LSM12: variants seen among roughly 807,000 people sequenced by gnomAD.
LSM12 encodes the protein protein LSM12.
For missense variants in LSM12, 108 were observed against 238.9 expected (o/e 0.45, Z 3.61); for synonymous variants, 74 against 87.3 (o/e 0.85, Z 0.85).
At chr17:44,064,728 G>A (rs1350786331) in intron 1 of LSM12, among the ~76,000 whole-genome samples, 15 of 137,044 alleles carry the variant, frequency 1.1e-4, no homozygotes, top group Non-Finnish European at 1.9e-4. Flanking sequence ...GCGAGACTCC[G>A]TCTCAAAAAA....
intron 2 of LSM12, chr17:44,040,473 A>G (rs2049473683): frequency 2.1e-6 from 1 of 468,408 alleles, no homozygotes; most frequent in Admixed American, 3.3e-5. Flanking sequence ...TCTAATACTT[A>G]CTGCATACCT....
At position 44,038,573 on chromosome 17, in the gene LSM12, T is replaced by C. The variant is rs532393266; in HGVS notation, c.369-1035A>G. On this transcript the variant is annotated intron_variant, in intron 3 of 4. Coordinates refer to ENST00000293406, the MANE Select transcript of LSM12 (RefSeq NM_001371445.1). Reference sequence around the variant, plus strand: ...AGGAGGGTGAAGCAGGAGAATCGCTTGAACCTGGGAGGCAGAGATTGCAGT... The same window carrying C: ...AGGAGGGTGAAGCAGGAGAATCGCTCGAACCTGGGAGGCAGAGATTGCAGT... Among the ~76,000 whole-genome samples the C allele has an allele frequency of 3.9e-5, 6 of 152,188 alleles. No individual in the cohort carries two copies. The South Asian group carries it at 8.3e-4, about 21-fold the overall frequency.
chr17:44,065,991 T>C (rs533357464), intron 1 of LSM12, among the ~76,000 whole-genome samples: 1 of 152,018 alleles, frequency 6.6e-6, no homozygotes, highest in African/African-American at 2.4e-5. Context: ...CCCACCGCCC[T>C]TCCTTGGACG....
At chr17:44,067,553 C>G (rs2144124262), upstream of LSM12, 1 of 152,312 alleles carries the variant, frequency 6.6e-6, no homozygotes, top group East Asian at 1.9e-4. Flanking sequence ...TTAGACTAAA[C>G]TTGTCCACGG....
intron 2 of LSM12, among the ~76,000 whole-genome samples, chr17:44,059,739 T>C (rs1178259345): frequency 6.6e-6 from 1 of 152,148 alleles, no homozygotes; most frequent in Non-Finnish European, 1.5e-5. Context: ...AAGTATTTCC[T>C]GTATAAGCCC....
chr17:44,054,977 T>C (rs1414221280), intron 2 of LSM12, among the ~76,000 whole-genome samples: 1 of 152,050 alleles, frequency 6.6e-6, no homozygotes, highest in Non-Finnish European at 1.5e-5. Context: ...CAGCTGGGAC[T>C]ACAGGCGTGT....
At chr17:44,057,049 G>A (rs1209091631) in intron 2 of LSM12, among the ~76,000 whole-genome samples, 5 of 151,736 alleles carry the variant, frequency 3.3e-5, no homozygotes, top group Admixed American at 6.6e-5. Flanking sequence ...CCAGCTACTC[G>A]GGAGGCTGAG....
upstream of LSM12, chr17:44,066,779 G>A (rs984554253): frequency 1.5e-6 from 1 of 652,764 alleles, no homozygotes; most frequent in African/African-American, 2.0e-5. Context: ...AATCTGAAAA[G>A]TATTTGTATA....
chr17:44,037,364 T>C, intron 4 of LSM12, 48 bp downstream of exon 4: 1 of 1,533,262 alleles, frequency 6.5e-7, no homozygotes, highest in Non-Finnish European at 8.7e-7. Context: ...ACTGAAGGCC[T>C]GAGGAACCAT....
At chr17:44,043,420 G>A (rs538730053) in intron 2 of LSM12, among the ~76,000 whole-genome samples, 87 of 152,210 alleles carry the variant, frequency 5.7e-4, no homozygotes, top group African/African-American at 2.0e-3. Flanking sequence ...TCCAAGCAGT[G>A]GCAATCCCAA....
intron 2 of LSM12, among the ~76,000 whole-genome samples, chr17:44,041,285 AAACAAACACACACACAC>A (rs1460624130): frequency 9.6e-6 from 1 of 104,302 alleles, no homozygotes; most frequent in Non-Finnish European, 1.9e-5. Flanking sequence ...AAAAAAAAAA[AAACAAACACACACACAC>A]ACACACACAC....
chr17:44,056,429 C>T (rs1258431353), intron 2 of LSM12, among the ~76,000 whole-genome samples: 2 of 151,834 alleles, frequency 1.3e-5, no homozygotes, highest in East Asian at 1.9e-4. Flanking sequence ...TATAGTAAGA[C>T]CATGTCTCTA....
intron 2 of LSM12, among the ~76,000 whole-genome samples, chr17:44,046,667 G>A (rs1471694960): frequency 7.2e-5 from 9 of 125,022 alleles, no homozygotes; most frequent in African/African-American, 2.2e-4. Context: ...AGATTAATGC[G>A]CCACTGCACT....
At chr17:44,036,689 G>GA (rs59987165) in intron 4 of LSM12, among the ~76,000 whole-genome samples, 28,250 of 146,086 alleles carry the variant, frequency 0.19, 4,276 homozygotes, top group East Asian at 0.73. Flanking sequence ...TTCCTCAGAG[G>GA]AAAAAAAAAA....
At chr17:44,061,746 TCCA>T (rs1036911739) in intron 2 of LSM12, among the ~76,000 whole-genome samples, 12 of 152,348 alleles carry the variant, frequency 7.9e-5, no homozygotes, top group Non-Finnish European at 1.3e-4. Flanking sequence ...GGGAAAAACT[TCCA>T]CCACATTAAT....
At position 44,048,892 on chromosome 17, in the gene LSM12, T is replaced by C. The variant is rs140738851; in HGVS notation, c.259-8636A>G. 4.8e-3 allele frequency among the ~76,000 whole-genome samples: 732 copies of C among 152,094 alleles called. 6 individuals are homozygous for C. The highest frequency in any genetic ancestry group is 6.0e-3 in the Non-Finnish European group (411 of 67,986). Reference sequence around the variant, plus strand: ...TGCATTCGATATCAAAGCACATCAATATTAAAAGGCTTCTAGGCCAGGCAC... The same window carrying C: ...TGCATTCGATATCAAAGCACATCAACATTAAAAGGCTTCTAGGCCAGGCAC... On this transcript the variant is annotated intron_variant, in intron 2 of 4. Coordinates refer to ENST00000293406, the MANE Select transcript of LSM12 (RefSeq NM_001371445.1).
rs1287641488 is a variant in LSM12, at chr17:44,034,880, C to T, written c.*1328G>A. ...TGCCTGATATTCGGATGGTGGCATA[C>T]TCTGCCCCAGGAGACTGCCTGAAGG... On this transcript the variant is annotated 3_prime_UTR_variant, in exon 5 of 5. Transcript: ENST00000293406. 7.1e-5 allele frequency: 5 copies of T among 70,206 alleles called. No individual in the cohort carries two copies. Among genetic ancestry groups the T allele is most frequent in the Non-Finnish European group, 2.8e-5 (1 of 35,970 alleles). The allele number at this position is 70,206 out of a possible 1,614,324, so 4.3% of individuals were successfully genotyped here.
chr17:44,051,328 T>C (rs1055310629), intron 2 of LSM12, among the ~76,000 whole-genome samples: 1 of 147,180 alleles, frequency 6.8e-6, no homozygotes, highest in Non-Finnish European at 1.5e-5. Flanking sequence ...GAGGCAGAGG[T>C]TGCAGTGAAC....
intron 2 of LSM12, among the ~76,000 whole-genome samples, chr17:44,054,247 A>G (rs1032428413): frequency 5.9e-5 from 9 of 152,146 alleles, no homozygotes; most frequent in African/African-American, 2.2e-4. Context: ...TACCCCCATC[A>G]TGATTCTGTC....
Sources: gnomAD v4.1 joint callset for allele counts (sites outside exome capture counted in the v4.1 genomes callset) on GRCh38, gnomAD v4.1.1 for gene constraint, MANE v1.5 for transcripts, NCBI Gene and HGNC (gene_info 2026-07-23, HGNC 2026-07-21) for gene names.